The following MED13L variants were observed in gnomAD, a reference collection of about 807,000 sequenced individuals.
The protein encoded by MED13L is mediator complex subunit 13L, also known as mediator of RNA polymerase II transcription subunit 13-like.
MED13L carries 7 observed loss-of-function variants against 220.9 expected under a neutral mutation model. The observed-to-expected ratio is 0.03, with a 90% CI of 0.02 to 0.06. The LOEUF (loss-of-function observed/expected upper bound fraction) is 0.06, where lower values mean the gene tolerates loss of function less well. Ranked by LOEUF, MED13L falls within the 10% of genes least tolerant of loss-of-function variation. The pLI is 1.00. For missense variants in MED13L, 1,965 were observed against 2,760.5 expected (o/e 0.71, Z 6.46); for synonymous variants, 1,011 against 1,015.2 (o/e 1.00, Z 0.08).
At chr12:116,156,364 G>A (rs934656172) in intron 2 of MED13L, among the ~76,000 whole-genome samples, 32 of 141,176 alleles carry the variant, frequency 2.3e-4, no homozygotes, top group African/African-American at 8.4e-4. Context: ...ATACTGGATT[G>A]TAGGCAGCAC....
At chr12:116,151,629 T>C (rs1050211257) in intron 2 of MED13L, among the ~76,000 whole-genome samples, 3 of 152,200 alleles carry the variant, frequency 2.0e-5, no homozygotes, top group African/African-American at 7.2e-5. Context: ...GGAATAAATC[T>C]ACAGCAAGTT....
chr12:116,137,048 T>C (rs1876619411), intron 2 of MED13L, among the ~76,000 whole-genome samples: 1 of 152,236 alleles, frequency 6.6e-6, no homozygotes, highest in Admixed American at 6.5e-5. Flanking sequence ...CTTCCAACTC[T>C]GTCTTTACAT....
chr12:116,201,701 T>C (rs1882014924), intron 2 of MED13L, among the ~76,000 whole-genome samples: 1 of 152,096 alleles, frequency 6.6e-6, no homozygotes, highest in African/African-American at 2.4e-5. Context: ...ATGGGTGCTT[T>C]TTTTTCTAGG....
chr12:116,047,223 G>A (rs562630692), intron 4 of MED13L, among the ~76,000 whole-genome samples: 2 of 152,066 alleles, frequency 1.3e-5, no homozygotes, highest in African/African-American at 2.4e-5. Context: ...GCCTGGTAGC[G>A]CATGCTAGTA....
Position 116,165,592 on chromosome 12 carries a change from A to G in MED13L, c.311-54080T>C, listed in dbSNP as rs186436486. 7.2e-5 allele frequency among the ~76,000 whole-genome samples: 11 copies of G among 151,818 alleles called. No homozygotes were observed. In the East Asian group the frequency reaches 1.9e-3, roughly 27 times the overall value. On this transcript the variant is annotated intron_variant, in intron 2 of 30. Coordinates refer to ENST00000281928, the MANE Select transcript of MED13L (RefSeq NM_015335.5). ...GATCCCCCCCGCCTCAGCCTCCCAA[A>G]GTGCTAGGAGTACAGGCGTGAGCCA...
At chr12:116,109,063 T>C (rs1873850800) in intron 3 of MED13L, among the ~76,000 whole-genome samples, 1 of 56,216 alleles carries the variant, frequency 1.8e-5, no homozygotes, top group Non-Finnish European at 2.9e-5. Context: ...TAATTTCCTT[T>C]TTTTTTTTTT....
chr12:115,996,374 G>C, intron 16 of MED13L, 102 bp downstream of exon 16: 6 of 1,349,788 alleles, frequency 4.4e-6, no homozygotes, highest in Non-Finnish European at 6.3e-6. Flanking sequence ...TTACAGGCAT[G>C]AGCCACCGCG....
intron 4 of MED13L, among the ~76,000 whole-genome samples, chr12:116,047,310 C>A (rs1881899272): frequency 6.6e-6 from 1 of 152,168 alleles, no homozygotes; most frequent in Non-Finnish European, 1.5e-5. Context: ...GCCACGACTG[C>A]CACTGGACCC....
chr12:116,041,484 T>G (rs1366736629), intron 4 of MED13L, among the ~76,000 whole-genome samples: 1 of 152,212 alleles, frequency 6.6e-6, no homozygotes. Context: ...CTGTGCTAAC[T>G]GGACCATGCC....
chr12:116,140,726 G>A (rs866396421), intron 2 of MED13L, among the ~76,000 whole-genome samples: 2 of 152,132 alleles, frequency 1.3e-5, no homozygotes, highest in Non-Finnish European at 2.9e-5. Flanking sequence ...AATCTCTCTG[G>A]AGCAGAAACT....
At chr12:116,275,361 C>T (rs1162820294) in intron 1 of MED13L, among the ~76,000 whole-genome samples, 1 of 152,040 alleles carries the variant, frequency 6.6e-6, no homozygotes, top group Non-Finnish European at 1.5e-5. Flanking sequence ...AGAATTCCAA[C>T]TTATAAATGA....
chr12:116,014,798 T>TG (rs1238385456), intron 8 of MED13L, among the ~76,000 whole-genome samples: 2 of 152,186 alleles, frequency 1.3e-5, no homozygotes, highest in Admixed American at 6.5e-5. Flanking sequence ...CCAAACCCAC[T>TG]GGTTGCTGTC....
intron 2 of MED13L, among the ~76,000 whole-genome samples, chr12:116,175,911 T>C (rs1055392463): frequency 1.3e-5 from 2 of 152,108 alleles, no homozygotes; most frequent in Non-Finnish European, 1.5e-5. Context: ...TATGAGATGG[T>C]GAAAAATTCA....
At chr12:115,978,326 CTTTT>C (rs60887652) in intron 23 of MED13L, among the ~76,000 whole-genome samples, 1 of 132,176 alleles carries the variant, frequency 7.6e-6, no homozygotes. Flanking sequence ...AATTTTTTTT[CTTTT>C]TTTTTTTTTT....
intron 1 of MED13L, among the ~76,000 whole-genome samples, chr12:116,269,161 C>T (rs1297300527): frequency 5.3e-5 from 8 of 152,064 alleles, no homozygotes; most frequent in African/African-American, 1.7e-4. Context: ...CTAGTTCAAG[C>T]GATTCTCCTG....
At chr12:116,173,847 T>C (rs916414095) in intron 2 of MED13L, among the ~76,000 whole-genome samples, 3 of 152,098 alleles carry the variant, frequency 2.0e-5, no homozygotes, top group Non-Finnish European at 4.4e-5. Context: ...GTATGTTAAA[T>C]CTGAGCTTTG....
In MED13L at chr12:116,234,416, GA is replaced by G. The variant is rs1329329155; in HGVS notation, c.310+3051del. ...CTAATTTTTGTTTATTTTTACTAGA[GA>G]GGGGGTTTCACTATGTTGGCCAGGC... On this transcript the variant is annotated intron_variant, in intron 2 of 30. Transcript: ENST00000281928. Among the ~76,000 whole-genome samples the G allele has an allele frequency of 2.5e-4, 38 of 151,956 alleles. 1 individual carries two copies. Among genetic ancestry groups the G allele is most frequent in the Non-Finnish European group, 4.4e-5 (3 of 68,016 alleles).
At chr12:116,242,817 T>G (rs1011967047) in intron 1 of MED13L, among the ~76,000 whole-genome samples, 2 of 152,172 alleles carry the variant, frequency 1.3e-5, no homozygotes, top group African/African-American at 4.8e-5. Context: ...TATAACTAGA[T>G]TTAAGCTGTA....
At chr12:116,250,052 C>T (rs1475157885) in intron 1 of MED13L, among the ~76,000 whole-genome samples, 1 of 98,428 alleles carries the variant, frequency 1.0e-5, no homozygotes. Context: ...AAAAAAAACA[C>T]ACCAAAATAC....
Sources: gnomAD v4.1 joint callset for allele counts (sites outside exome capture counted in the v4.1 genomes callset) on GRCh38, gnomAD v4.1.1 for gene constraint, MANE v1.5 for transcripts, NCBI Gene and HGNC (gene_info 2026-07-23, HGNC 2026-07-21) for gene names.